Variants in ADARB2 observed in about 807,000 individuals in gnomAD.
ADARB2 encodes the protein adenosine deaminase RNA specific B2 (inactive), also known as inactive double-stranded RNA-specific editase B2.
Under a neutral mutation model 62.2 loss-of-function variants are expected in ADARB2, and 25 were observed. That is an observed-to-expected ratio of 0.40 (90% CI 0.29 to 0.56). The LOEUF (loss-of-function observed/expected upper bound fraction) is 0.56. ADARB2 is among the 20% of genes least tolerant of loss of function. The probability of loss-of-function intolerance (pLI) is 0.43; values close to 1 mark genes in which losing one functional copy is unlikely to be tolerated. For synonymous variants in ADARB2, 572 were observed against 500.8 expected (o/e 1.14, Z -1.90); for missense variants, 1,071 against 1,077.4 (o/e 0.99, Z 0.08).
intron 1 of ADARB2, among the ~76,000 whole-genome samples, chr10:1,636,932 CTCTA>C (rs1381731606): frequency 4.0e-5 from 6 of 149,750 alleles, no homozygotes; most frequent in African/African-American, 1.5e-4. Context: ...TAATATCTCT[CTCTA>C]TATATAAAAT....
chr10:1,399,626 G>T (rs1342190121), intron 1 of ADARB2, among the ~76,000 whole-genome samples: 2 of 152,156 alleles, frequency 1.3e-5, no homozygotes, highest in African/African-American at 2.4e-5. Flanking sequence ...CTCTGTGGGG[G>T]TCGTCCTGCT....
chr10:1,192,333 A>G (rs1264611584), intron 8 of ADARB2, among the ~76,000 whole-genome samples: 1 of 152,184 alleles, frequency 6.6e-6, no homozygotes, highest in Admixed American at 6.5e-5. Flanking sequence ...AATCAGAGAG[A>G]TCTCCTGAGT....
chr10:1,571,413 T>C (rs966841515), intron 1 of ADARB2, among the ~76,000 whole-genome samples: 2 of 152,204 alleles, frequency 1.3e-5, no homozygotes, highest in Non-Finnish European at 2.9e-5. Flanking sequence ...TATTTTCTCA[T>C]TATAAATTTA....
intron 1 of ADARB2, among the ~76,000 whole-genome samples, chr10:1,707,808 A>T (rs1834907955): frequency 6.6e-6 from 1 of 152,224 alleles, no homozygotes; most frequent in Non-Finnish European, 1.5e-5. Context: ...TCCTGCAGGC[A>T]GCACAGAATT....
chr10:1,186,243 A>G (rs959166945), intron 8 of ADARB2, among the ~76,000 whole-genome samples: 4 of 152,220 alleles, frequency 2.6e-5, no homozygotes, highest in African/African-American at 7.2e-5. Context: ...TCCCATGCCC[A>G]GGGCTTCCTC....
At chr10:1,567,326 C>T (rs1832871937) in intron 1 of ADARB2, among the ~76,000 whole-genome samples, 2 of 152,218 alleles carry the variant, frequency 1.3e-5, no homozygotes, top group African/African-American at 4.8e-5. Context: ...CTCTTTCTCC[C>T]AACGTGCTTT....
intron 3 of ADARB2, among the ~76,000 whole-genome samples, chr10:1,311,001 T>A (rs934314814): frequency 1.3e-5 from 2 of 152,230 alleles, no homozygotes; most frequent in African/African-American, 2.4e-5. Flanking sequence ...TTGCCACTGG[T>A]CTGCCACAAT....
In ADARB2 at chr10:1,506,334, A is replaced by G. The variant is rs530870831; in HGVS notation, c.101-127174T>C. 1.4e-4 allele frequency among the ~76,000 whole-genome samples: 21 copies of G among 152,198 alleles called. No individual in the cohort carries two copies. In the South Asian group the frequency reaches 3.9e-3, roughly 29 times the overall value. ...ATAATATTTATTATTTATGGGGGGG[A>G]AATGCTGGAATGCCTAATGGAAGCT... is the stretch of plus-strand genomic sequence containing the variant. On this transcript the variant is annotated intron_variant, in intron 1 of 9. Coordinates refer to ENST00000381312, the MANE Select transcript of ADARB2 (RefSeq NM_018702.4).
chr10:1,580,151 G>T (rs909855746), intron 1 of ADARB2, among the ~76,000 whole-genome samples: 12 of 152,140 alleles, frequency 7.9e-5, no homozygotes, highest in Non-Finnish European at 1.2e-4. Context: ...GTACATGTAC[G>T]TGTTTGTTGC....
chr10:1,637,050 A>G (rs956694610), intron 1 of ADARB2, among the ~76,000 whole-genome samples: 11 of 151,954 alleles, frequency 7.2e-5, no homozygotes, highest in Admixed American at 2.0e-4. Context: ...ATACTCATTC[A>G]TGATTGAAAG....
chr10:1,258,325 A>T lies in ADARB2; in HGVS notation c.1192+12630T>A, dbSNP rs11250363. 2.9e-3 allele frequency among the ~76,000 whole-genome samples: 441 copies of T among 152,338 alleles called. 1 individual carries two copies. Among genetic ancestry groups the T allele is most frequent in the African/African-American group, 9.7e-3 (404 of 41,570 alleles). On this transcript the variant is annotated intron_variant, in intron 4 of 9. Transcript: ENST00000381312. ...ACATAACAATACTAACCTTAAATGT[A>T]AATGGGCTAAATGCTCCAATTAAAA...
chr10:1,366,964 G>A (rs542275123), intron 2 of ADARB2, among the ~76,000 whole-genome samples: 1 of 152,326 alleles, frequency 6.6e-6, no homozygotes, highest in Admixed American at 6.5e-5. Flanking sequence ...GGTTGAGTGC[G>A]GCTGGATGTT....
intron 3 of ADARB2, among the ~76,000 whole-genome samples, chr10:1,271,615 C>T (rs892609404): frequency 1.3e-5 from 2 of 152,018 alleles, no homozygotes; most frequent in South Asian, 2.1e-4. Flanking sequence ...CGTGCACACA[C>T]GAATATGCAC....
intron 3 of ADARB2, among the ~76,000 whole-genome samples, chr10:1,327,088 T>TCCCCACGGCACAGCGCCTCCC (rs1831865466): frequency 3.1e-5 from 1 of 32,058 alleles, no homozygotes; most frequent in African/African-American, 1.4e-4. Flanking sequence ...CAGCGCCTCC[T>TCCCCACGGCACAGCGCCTCCC]CACTGCACAG....
rs529733682 is a variant in ADARB2, at chr10:1,416,055, C to T, written c.101-36895G>A. Among the ~76,000 whole-genome samples, 101 of 152,222 alleles carry T rather than the reference C, an allele frequency of 6.6e-4. 1 individual carries two copies. Among genetic ancestry groups the T allele is most frequent in the Admixed American group, 2.2e-3 (34 of 15,284 alleles). On this transcript the variant is annotated intron_variant, in intron 1 of 9. Transcript: ENST00000381312. ...AAGACCCGCCATGGGGCTTAACAAG[C>T]AGTACACATGACATCACTGTGCCAT... is the stretch of plus-strand genomic sequence containing the variant.
intron 3 of ADARB2, among the ~76,000 whole-genome samples, chr10:1,343,893 G>A (rs919951383): frequency 6.6e-6 from 1 of 152,178 alleles, no homozygotes; most frequent in Non-Finnish European, 1.5e-5. Context: ...TGGGAGGAGG[G>A]TGAGGACTGA....
chr10:1,732,870 G>A (rs939156010), intron 1 of ADARB2, among the ~76,000 whole-genome samples: 1 of 152,202 alleles, frequency 6.6e-6, no homozygotes, highest in African/African-American at 2.4e-5. Flanking sequence ...GACTTATTTT[G>A]TTCCTTTTGC....
chr10:1,633,960 T>C (rs1005717005), intron 1 of ADARB2, among the ~76,000 whole-genome samples: 1 of 152,180 alleles, frequency 6.6e-6, no homozygotes. Context: ...ACGAGCCCCA[T>C]GGAGCTCCTT....
At chr10:1,684,337 T>G (rs1161552412) in intron 1 of ADARB2, among the ~76,000 whole-genome samples, 1 of 152,198 alleles carries the variant, frequency 6.6e-6, no homozygotes, top group Non-Finnish European at 1.5e-5. Flanking sequence ...TAAAAACACT[T>G]TTTTTTCAGA....
Sources: gnomAD v4.1 joint callset for allele counts (sites outside exome capture counted in the v4.1 genomes callset) on GRCh38, gnomAD v4.1.1 for gene constraint, MANE v1.5 for transcripts, NCBI Gene and HGNC (gene_info 2026-07-23, HGNC 2026-07-21) for gene names.